SOX6: variants seen among roughly 807,000 people sequenced by gnomAD.
The protein encoded by SOX6 is transcription factor SOX-6.
In SOX6, 11 loss-of-function variants were observed where a neutral mutation model predicts 97.8. The ratio of observed to expected loss-of-function variants is 0.11; its 90% CI spans 0.07 to 0.19. The LOEUF is 0.19. SOX6 is among the 10% of genes least tolerant of loss of function. The probability of loss-of-function intolerance (pLI) is 1.00; values close to 1 mark genes in which losing one functional copy is unlikely to be tolerated. For synonymous variants in SOX6, 360 were observed against 371.4 expected (o/e 0.97, Z 0.35); for missense variants, 810 against 1,039.5 (o/e 0.78, Z 3.04).
At chr11:15,987,074 G>A (rs1046982875) in intron 14 of SOX6, among the ~76,000 whole-genome samples, 2 of 152,138 alleles carry the variant, frequency 1.3e-5, no homozygotes, top group Admixed American at 6.5e-5. Context: ...TTTTAATACG[G>A]TTTATACAGG....
intron 7 of SOX6, among the ~76,000 whole-genome samples, chr11:16,100,673 G>T (rs1214796937): frequency 6.6e-6 from 1 of 150,726 alleles, no homozygotes; most frequent in Non-Finnish European, 1.5e-5. Context: ...CTTGTACTAA[G>T]AACCTACAAC....
At chr11:16,288,191 A>C (rs1244967543) in intron 3 of SOX6, among the ~76,000 whole-genome samples, 2 of 152,074 alleles carry the variant, frequency 1.3e-5, no homozygotes, top group Non-Finnish European at 2.9e-5. Context: ...CCCGATTCAG[A>C]AGATTCTCTT....
intron 12 of SOX6, among the ~76,000 whole-genome samples, chr11:16,021,148 T>A (rs1458739326): frequency 6.6e-6 from 1 of 152,170 alleles, no homozygotes; most frequent in Non-Finnish European, 1.5e-5. Flanking sequence ...TCCATCTTTG[T>A]GAAGTCTTCG....
At chr11:16,665,538 T>G (rs1014061882) in intron 3 of SOX6, among the ~76,000 whole-genome samples, 2 of 152,146 alleles carry the variant, frequency 1.3e-5, no homozygotes, top group East Asian at 1.9e-4. Flanking sequence ...CAGCACCAGG[T>G]AGATTCCTAA....
chr11:16,703,963 T>G (rs1848113012), intron 3 of SOX6, among the ~76,000 whole-genome samples: 1 of 152,184 alleles, frequency 6.6e-6, no homozygotes, highest in South Asian at 2.1e-4. Flanking sequence ...TAACAGCTCT[T>G]TTGTCAAATC....
At position 16,456,111 on chromosome 11, in the gene SOX6, T is replaced by C. The variant is rs141258501; in HGVS notation, c.-5+20204A>G. On this transcript the variant is annotated intron_variant, in intron 1 of 15. Transcript: ENST00000396356. ...TCATAACACATAGTCCAGGGGGCTATGAACCTTGTATGTCTTAGAGGAGAT... is the reference window on the plus strand; with the variant it reads ...TCATAACACATAGTCCAGGGGGCTACGAACCTTGTATGTCTTAGAGGAGAT... Among the ~76,000 whole-genome samples the C allele has an allele frequency of 9.9e-5, 15 of 152,256 alleles. No homozygotes were observed. The East Asian group carries it at 2.9e-3, about 29-fold the overall frequency.
intron 12 of SOX6, among the ~76,000 whole-genome samples, chr11:16,043,712 ACACTGATGTGCAG>A (rs1197721343): frequency 6.6e-6 from 1 of 152,186 alleles, no homozygotes; most frequent in Non-Finnish European, 1.5e-5. Context: ...GCTACAGTGG[ACACTGATGTGCAG>A]CACAGATCCC....
chr11:16,271,564 T>TA (rs1189774138), intron 3 of SOX6, among the ~76,000 whole-genome samples: 8 of 151,396 alleles, frequency 5.3e-5, no homozygotes, highest in Non-Finnish European at 7.4e-5. Flanking sequence ...TTAGGCTTTC[T>TA]ATCTTTAACA....
intron 6 of SOX6, among the ~76,000 whole-genome samples, chr11:16,128,063 C>G (rs1849650228): frequency 6.6e-6 from 1 of 152,150 alleles, no homozygotes; most frequent in South Asian, 2.1e-4. Context: ...TCCCTTGAAG[C>G]TTTCTAACAA....
chr11:15,981,638 G>C (rs747929246), intron 15 of SOX6, among the ~76,000 whole-genome samples: 22 of 152,036 alleles, frequency 1.4e-4, no homozygotes, highest in Non-Finnish European at 2.4e-4. Context: ...CTTTACAGGA[G>C]GACAATACTT....
At chr11:16,118,237 C>T (rs909610109) in intron 6 of SOX6, among the ~76,000 whole-genome samples, 4 of 152,194 alleles carry the variant, frequency 2.6e-5, no homozygotes, top group Non-Finnish European at 2.9e-5. Context: ...ATAAACTACC[C>T]CAAAGCACAA....
upstream of SOX6, among the ~76,000 whole-genome samples, chr11:16,480,807 C>CT (rs1490226786): frequency 6.6e-6 from 1 of 152,078 alleles, no homozygotes; most frequent in African/African-American, 2.4e-5. Context: ...ATTTTGTCCA[C>CT]TTTTACATTA....
chr11:16,327,704 C>T (rs1856144885), intron 2 of SOX6, among the ~76,000 whole-genome samples: 4 of 151,998 alleles, frequency 2.6e-5, no homozygotes, highest in Admixed American at 6.6e-5. Context: ...ATACTGCAAG[C>T]AGAGGAGAAC....
chr11:16,490,697 CA>C (rs1860498155), intron 4 of SOX6, among the ~76,000 whole-genome samples: 1 of 151,900 alleles, frequency 6.6e-6, no homozygotes, highest in Admixed American at 6.6e-5. Flanking sequence ...GCCATATTCT[CA>C]AAATATTTAG....
At chr11:16,329,439 G>A (rs1472973741) in intron 2 of SOX6, among the ~76,000 whole-genome samples, 2 of 152,110 alleles carry the variant, frequency 1.3e-5, no homozygotes, top group Admixed American at 1.3e-4. Context: ...AACTCCAATT[G>A]TTCAATCCCA....
intron 2 of SOX6, among the ~76,000 whole-genome samples, chr11:16,321,137 T>C (rs1855910839): frequency 6.6e-6 from 1 of 152,134 alleles, no homozygotes; most frequent in South Asian, 2.1e-4. Context: ...TCAAAGCCAT[T>C]TAAACCTCTT....
intron 6 of SOX6, among the ~76,000 whole-genome samples, chr11:16,168,234 A>G (rs1264452947): frequency 6.6e-6 from 1 of 152,170 alleles, no homozygotes; most frequent in East Asian, 1.9e-4. Context: ...AGAATTGGCA[A>G]TTCTATGATG....
intron 3 of SOX6, among the ~76,000 whole-genome samples, chr11:16,635,167 G>A (rs942867536): frequency 1.3e-5 from 2 of 152,180 alleles, no homozygotes; most frequent in Non-Finnish European, 2.9e-5. Context: ...ACTCAAAAAC[G>A]TGGAAGCAAC....
intron 3 of SOX6, among the ~76,000 whole-genome samples, chr11:16,710,559 A>C (rs1181629673): frequency 6.6e-6 from 1 of 152,036 alleles, no homozygotes; most frequent in Non-Finnish European, 1.5e-5. Context: ...CAAATACTGT[A>C]TCTCCTGGTT....
Sources: allele counts gnomAD v4.1 joint callset (sites outside exome capture counted in the v4.1 genomes callset), GRCh38; gene constraint gnomAD v4.1.1; transcripts MANE v1.5; gene names NCBI Gene and HGNC (gene_info 2026-07-23, HGNC 2026-07-21).